SETD5: variants seen among roughly 807,000 people sequenced by gnomAD.
SETD5 encodes the protein SET domain containing 5, also known as histone-lysine N-methyltransferase SETD5.
SETD5 carries 44 observed loss-of-function variants against 153.3 expected under a neutral mutation model. The ratio of observed to expected loss-of-function variants is 0.29; its 90% confidence interval spans 0.23 to 0.37. The LOEUF is 0.37. SETD5 is among the 10% of genes least tolerant of loss of function. The probability of loss-of-function intolerance (pLI) is 1.00; values close to 1 mark genes in which losing one functional copy is unlikely to be tolerated. For missense variants in SETD5, 1,544 were observed against 1,768.0 expected (o/e 0.87, Z 2.27); for synonymous variants, 716 against 645.2 (o/e 1.11, Z -1.66).
intron 2 of SETD5, among the ~76,000 whole-genome samples, chr3:9,427,746 T>C (rs769891621): frequency 1.3e-5 from 2 of 152,172 alleles, no homozygotes; most frequent in Admixed American, 1.3e-4. Flanking sequence ...CACATTGACT[T>C]TATTCCCCCC....
Position 9,476,178 on chromosome 3 carries a change from T to G in SETD5, c.*87T>G, listed in dbSNP as rs868476727. The stretch of plus-strand genomic sequence containing the variant: ...CTGGAACCTAGGCCGAGCATATTGC[T>G]GAGGAACGGGGGGTACAAGGTGCCA... On this transcript the variant is annotated 3_prime_UTR_variant, in exon 23 of 23. Transcript: ENST00000402198. 3.4e-6 allele frequency: 5 copies of G among 1,487,726 alleles called. No individual in the cohort carries two copies. In the Middle Eastern group the frequency reaches 7.1e-4, roughly 212 times the overall value. 92.2% of individuals were successfully genotyped at this position (1,487,726 alleles called of 1,614,324 possible).
Position 9,475,059 on chromosome 3 carries a change from A to T in SETD5, c.3632-9A>T, listed in dbSNP as rs1166155929. 6.4e-7 allele frequency: 1 copy of T among 1,565,324 alleles called. No individual in the cohort carries two copies. The highest frequency in any genetic ancestry group is 1.9e-5 in the Admixed American group (1 of 51,502). Reference sequence around the variant, plus strand: ...AAGTTGATTTTTTTTTATATATGTTACCTTCCAGACCCTGCAGATGGAGAA... The same window carrying T: ...AAGTTGATTTTTTTTTATATATGTTTCCTTCCAGACCCTGCAGATGGAGAA... On this transcript the variant is annotated splice_polypyrimidine_tract_variant and intron_variant, in intron 21 of 22. Coordinates refer to ENST00000402198, the MANE Select transcript of SETD5 (RefSeq NM_001080517.3).
chr3:9,449,086 C>T (rs540654900), intron 16 of SETD5, among the ~76,000 whole-genome samples: 14 of 152,332 alleles, frequency 9.2e-5, no homozygotes, highest in Non-Finnish European at 1.9e-4. Flanking sequence ...TATCCACTAT[C>T]ATCACTTGAA....
At chr3:9,433,614 CA>C in intron 3 of SETD5, 1 of 1,124,180 alleles carries the variant, frequency 8.9e-7, no homozygotes. Context: ...TGCCTGCCTT[CA>C]GACATCTGCC....
At chr3:9,404,519 TAG>T (rs970880378) in intron 1 of SETD5, among the ~76,000 whole-genome samples, 2 of 152,184 alleles carry the variant, frequency 1.3e-5, no homozygotes, top group Non-Finnish European at 2.9e-5. Context: ...TACAGAAATT[TAG>T]GGTAGTCATT....
chr3:9,455,789 C>G (rs1213973373), intron 17 of SETD5, among the ~76,000 whole-genome samples: 1 of 152,130 alleles, frequency 6.6e-6, no homozygotes, highest in African/African-American at 2.4e-5. Flanking sequence ...CACATCCTGA[C>G]TAGCAAAGGA....
At chr3:9,425,206 C>T (rs923436381) in intron 2 of SETD5, among the ~76,000 whole-genome samples, 3 of 151,656 alleles carry the variant, frequency 2.0e-5, no homozygotes, top group South Asian at 4.2e-4. Context: ...GGATTACAGG[C>T]GTCCGCCATC....
chr3:9,433,547 A>G (rs2040208336), intron 3 of SETD5: 6 of 1,294,258 alleles, frequency 4.6e-6, no homozygotes, highest in South Asian at 1.2e-5. Context: ...TCTAGGGGAA[A>G]CTCCCCGCTC....
chr3:9,465,730 G>GA (rs1349594967), intron 18 of SETD5, among the ~76,000 whole-genome samples: 2 of 152,174 alleles, frequency 1.3e-5, no homozygotes, highest in East Asian at 3.9e-4. Flanking sequence ...CTGGGTGAGG[G>GA]AAAAAACCTC....
At chr3:9,456,314 A>G (rs1220096730) in intron 17 of SETD5, among the ~76,000 whole-genome samples, 1 of 151,976 alleles carries the variant, frequency 6.6e-6, no homozygotes, top group African/African-American at 2.4e-5. Flanking sequence ...TGTCTCTACT[A>G]AAAATACAAA....
At chr3:9,443,153 G>A (rs2041514412) in intron 10 of SETD5, 155 bp from the exon 11 acceptor site, 1 of 604,804 alleles carries the variant, frequency 1.7e-6, no homozygotes, top group African/African-American at 1.9e-5. Flanking sequence ...AATAGTTTCA[G>A]ATGAAATGAA....
At chr3:9,407,587 AT>A (rs1352983404) in intron 1 of SETD5, among the ~76,000 whole-genome samples, 11 of 152,106 alleles carry the variant, frequency 7.2e-5, no homozygotes, top group South Asian at 2.1e-4. Flanking sequence ...ATGAAAAACA[AT>A]TTTTTTTATA....
chr3:9,400,129 G>A (rs1347887584), intron 1 of SETD5, among the ~76,000 whole-genome samples: 1 of 152,212 alleles, frequency 6.6e-6, no homozygotes, highest in African/African-American at 2.4e-5. Flanking sequence ...CTTTTTATTG[G>A]TGGGGAGATG....
At position 9,453,670 on chromosome 3, in the gene SETD5, C is replaced by A; in HGVS notation, c.2347-69C>A. On this transcript the variant is annotated intron_variant, in intron 16 of 22. Coordinates refer to ENST00000402198, the MANE Select transcript of SETD5 (RefSeq NM_001080517.3). ...ATTGTATCACTCACCAGTTGATGTA[C>A]ATTTAAAACAGGTGCACTAAATAGT... 1.4e-6 allele frequency: 2 copies of A among 1,423,330 alleles called. 1 individual carries two copies. The highest frequency in any genetic ancestry group is 2.9e-5 in the South Asian group (2 of 69,028). 88.2% of individuals were successfully genotyped at this position (1,423,330 alleles called of 1,614,324 possible).
chr3:9,455,926 A>G (rs1315528451), intron 17 of SETD5, among the ~76,000 whole-genome samples: 2 of 152,216 alleles, frequency 1.3e-5, no homozygotes, highest in Admixed American at 6.5e-5. Flanking sequence ...CTCACAGGAC[A>G]CACCTTGCCC....
At chr3:9,471,746 G>A (rs376118234) in intron 19 of SETD5, among the ~76,000 whole-genome samples, 39 of 152,312 alleles carry the variant, frequency 2.6e-4, no homozygotes, top group African/African-American at 8.9e-4. Context: ...AGAATGAGTA[G>A]GAGTGTTTTG....
chr3:9,448,575 C>T lies in SETD5; in HGVS notation c.2291C>T (p.Pro764Leu), dbSNP rs762706790. Residue 764 changes from proline to leucine, a missense_variant, in exon 16 of 23, where the codon CCT becomes CTT. Coordinates refer to ENST00000402198, the MANE Select transcript of SETD5 (RefSeq NM_001080517.3). ...HYIRFGSPFI[P>L]ERRRRPLLPD... ...ATTCGCTTTGGCTCACCCTTTATCCCTGAGAGACGTCGAAGGCCCCTTCTG... is the reference window on the plus strand; with the variant it reads ...ATTCGCTTTGGCTCACCCTTTATCCTTGAGAGACGTCGAAGGCCCCTTCTG... 1.9e-6 allele frequency: 3 copies of T among 1,611,978 alleles called. No individual in the cohort carries two copies. Among genetic ancestry groups the T allele is most frequent in the Non-Finnish European group, 2.5e-6 (3 of 1,178,494 alleles).
intron 13 of SETD5, among the ~76,000 whole-genome samples, chr3:9,446,187 T>C (rs981578864): frequency 7.0e-6 from 1 of 143,320 alleles, no homozygotes; most frequent in Non-Finnish European, 1.5e-5. Context: ...CTCGGGAGGC[T>C]AAGGCAGGAG....
At chr3:9,457,013 G>C (rs2043336739) in intron 17 of SETD5, among the ~76,000 whole-genome samples, 1 of 150,950 alleles carries the variant, frequency 6.6e-6, no homozygotes, top group South Asian at 2.1e-4. Flanking sequence ...AGGGAAGAAA[G>C]AAAAGAGAAA....
Sources: allele counts gnomAD v4.1 joint callset (sites outside exome capture counted in the v4.1 genomes callset), GRCh38; gene constraint gnomAD v4.1.1; transcripts MANE v1.5; gene names NCBI Gene and HGNC (gene_info 2026-07-23, HGNC 2026-07-21).